OSBPL1A: variants seen among roughly 807,000 people sequenced by gnomAD.
OSBPL1A encodes oxysterol binding protein like 1A, also known as oxysterol-binding protein-related protein 1.
A neutral mutation model predicts 137.1 loss-of-function variants in OSBPL1A; 80 were observed. That is an observed-to-expected ratio of 0.58 (90% CI 0.49 to 0.70). The LOEUF is 0.70. Ranked by LOEUF, OSBPL1A falls within the 30% of genes least tolerant of loss-of-function variation. The pLI is 0.00. For missense variants in OSBPL1A, 970 were observed against 1,129.4 expected, an observed-to-expected ratio of 0.86 and a Z score of 2.02; for synonymous variants, 365 against 389.7, an observed-to-expected ratio of 0.94 and a Z score of 0.75.
intron 21 of OSBPL1A, among the ~76,000 whole-genome samples, chr18:24,175,137 CACAT>C (rs1567920390): frequency 1.9e-5 from 1 of 51,790 alleles, no homozygotes; most frequent in African/African-American, 8.1e-5. Context: ...TATATATATA[CACAT>C]ATATATATAT....
intron 12 of OSBPL1A, among the ~76,000 whole-genome samples, chr18:24,313,421 GAA>G (rs67320005): frequency 3.6e-4 from 50 of 138,040 alleles, no homozygotes; most frequent in African/African-American, 9.5e-4. Context: ...AGCCTGGGCG[GAA>G]AAAAAAAAAA....
intron 14 of OSBPL1A, among the ~76,000 whole-genome samples, chr18:24,300,428 T>C (rs1341135280): frequency 6.6e-6 from 1 of 152,170 alleles, no homozygotes; most frequent in African/African-American, 2.4e-5. Flanking sequence ...AAAATTATGA[T>C]CCAAAAAGTA....
chr18:24,272,038 C>T, intron 15 of OSBPL1A: 1 of 982,162 alleles, frequency 1.0e-6, no homozygotes, highest in Non-Finnish European at 1.2e-6. Flanking sequence ...CGGGCAGCGT[C>T]CGGGCCGCTC....
At chr18:24,164,857 A>G (rs922357729) in intron 27 of OSBPL1A, among the ~76,000 whole-genome samples, 19 of 152,234 alleles carry the variant, frequency 1.2e-4, no homozygotes, top group Non-Finnish European at 2.8e-4. Flanking sequence ...AATTCACAAT[A>G]ACAAAGATAC....
chr18:24,300,261 G>A (rs888792502), intron 14 of OSBPL1A, among the ~76,000 whole-genome samples: 1 of 152,146 alleles, frequency 6.6e-6, no homozygotes, highest in Non-Finnish European at 1.5e-5. Context: ...AAGACACAAC[G>A]TTTGGTCAAG....
chr18:24,271,461 C>T lies in OSBPL1A; in HGVS notation c.1281+9381G>A. 1.3e-6 allele frequency: 1 copy of T among 773,280 alleles called. No individual in the cohort carries two copies. Among genetic ancestry groups the T allele is most frequent in the Non-Finnish European group, 1.6e-6 (1 of 636,088 alleles). 47.9% of individuals were successfully genotyped at this position (773,280 alleles called of 1,614,324 possible). A position where few individuals can be genotyped will look rare whatever the true frequency, so the allele number is the denominator to read the frequency against. ...CGGCTGGTGCGCCCCTCCCCACGCG[C>T]CCGCGGCTGCACCCCACTCTGCACA... On this transcript the variant is annotated intron_variant, in intron 15 of 27. Transcript: ENST00000319481. The surrounding 1 kb of genome is among the most constrained non-coding windows in gnomAD (Gnocchi z 4.0).
intron 14 of OSBPL1A, among the ~76,000 whole-genome samples, chr18:24,287,567 G>A (rs1169971439): frequency 6.6e-6 from 1 of 152,082 alleles, no homozygotes; most frequent in Non-Finnish European, 1.5e-5. Context: ...GAGATCAGGA[G>A]TTCCAGACCA....
chr18:24,378,345 A>G (rs1445563527), intron 1 of OSBPL1A, among the ~76,000 whole-genome samples: 2 of 152,232 alleles, frequency 1.3e-5, no homozygotes, highest in African/African-American at 4.8e-5. Flanking sequence ...AAATGAATAT[A>G]AATGCATACA....
chr18:24,392,250 T>C (rs1380290615), intron 1 of OSBPL1A, among the ~76,000 whole-genome samples: 1 of 152,064 alleles, frequency 6.6e-6, no homozygotes, highest in Non-Finnish European at 1.5e-5. Flanking sequence ...AACCTCCGCC[T>C]CCCGGGTTCA....
chr18:24,267,153 TAA>T (rs35547594), intron 15 of OSBPL1A, among the ~76,000 whole-genome samples: 1,489 of 143,406 alleles, frequency 0.01, 32 homozygotes, highest in African/African-American at 0.035. Context: ...CAACCTAAGT[TAA>T]AAAAAAAAAA....
chr18:24,304,733 T>G (rs1263707587), intron 13 of OSBPL1A, among the ~76,000 whole-genome samples: 1 of 152,152 alleles, frequency 6.6e-6, no homozygotes, highest in Non-Finnish European at 1.5e-5. Context: ...TAAATACTCT[T>G]TTCTCCTATT....
chr18:24,311,573 A>C, intron 13 of OSBPL1A: 1 of 877,570 alleles, frequency 1.1e-6, no homozygotes, highest in Non-Finnish European at 1.4e-6. Flanking sequence ...GTGGTTTTAA[A>C]GGAAACCTAC....
At chr18:24,296,442 C>G (rs1050724452) in intron 14 of OSBPL1A, among the ~76,000 whole-genome samples, 1 of 152,094 alleles carries the variant, frequency 6.6e-6, no homozygotes, top group Admixed American at 6.5e-5. Flanking sequence ...GATCATATCA[C>G]TGGCAAACAA....
chr18:24,170,532 G>C lies in OSBPL1A; in HGVS notation c.2292-79C>G, dbSNP rs1049944806. ...CCGACAGCACCTGGTATTCCCAGGCGGTCTCCCATCCGAGTACTAACCAGG... is the reference window on the plus strand; with the variant it reads ...CCGACAGCACCTGGTATTCCCAGGCCGTCTCCCATCCGAGTACTAACCAGG... On this transcript the variant is annotated intron_variant, in intron 23 of 27. Transcript: ENST00000319481. 39 of 1,561,904 alleles carry C rather than the reference G, an allele frequency of 2.5e-5. No homozygotes were observed. The Admixed American group carries it at 6.3e-4, about 25-fold the overall frequency.
At chr18:24,172,027 G>A (rs1294672729) in intron 22 of OSBPL1A, among the ~76,000 whole-genome samples, 5 of 149,278 alleles carry the variant, frequency 3.3e-5, no homozygotes, top group East Asian at 2.0e-4. Context: ...TGCAACCTCC[G>A]CCTCCTGGGT....
chr18:24,367,669 A>C (rs2091722373), intron 3 of OSBPL1A: 1 of 149,274 alleles, frequency 6.7e-6, no homozygotes, highest in Non-Finnish European at 1.5e-5. Context: ...AAAAAAATCC[A>C]TACACCTTCA....
intron 13 of OSBPL1A, among the ~76,000 whole-genome samples, chr18:24,307,922 T>A (rs1264938058): frequency 6.6e-6 from 1 of 151,508 alleles, no homozygotes; most frequent in East Asian, 1.9e-4. Flanking sequence ...CCTGTGTAGT[T>A]GGGATTACAG....
intron 4 of OSBPL1A, among the ~76,000 whole-genome samples, chr18:24,355,327 C>G (rs1470869125): frequency 7.2e-6 from 1 of 139,074 alleles, no homozygotes; most frequent in Non-Finnish European, 1.5e-5. Flanking sequence ...CATGGTGAAA[C>G]CCCGTCTCTA....
chr18:24,258,425 A>G (rs1193598216), intron 15 of OSBPL1A, among the ~76,000 whole-genome samples: 2 of 152,206 alleles, frequency 1.3e-5, no homozygotes, highest in Admixed American at 1.3e-4. Flanking sequence ...AAATCAAAAC[A>G]ATTGAACACA....
Sources: gnomAD v4.1 joint callset for allele counts (sites outside exome capture counted in the v4.1 genomes callset) on GRCh38, gnomAD v4.1.1 for gene constraint, Gnocchi (gnomAD v3.1) non-coding constraint, MANE v1.5 for transcripts, NCBI Gene and HGNC (gene_info 2026-07-23, HGNC 2026-07-21) for gene names.